CUEDC1: variants seen among roughly 807,000 people sequenced by gnomAD.
The protein encoded by CUEDC1 is CUE domain-containing protein 1.
In CUEDC1, 30 loss-of-function variants were observed where a neutral mutation model predicts 43.7. That is an observed-to-expected ratio of 0.69 (90% CI 0.51 to 0.93). The LOEUF (loss-of-function observed/expected upper bound fraction) is 0.93, where lower values mean the gene tolerates loss of function less well. Among genes scored for constraint, CUEDC1 ranks in the 40% least tolerant of loss-of-function variants. The pLI, the probability that CUEDC1 is intolerant of heterozygous loss-of-function variation, is 0.00. For synonymous variants in CUEDC1, 223 were observed against 223.6 expected, an observed-to-expected ratio of 1.00 and a Z score of 0.02; for missense variants, 486 against 549.0, an observed-to-expected ratio of 0.89 and a Z score of 1.15.
Position 57,918,674 on chromosome 17 carries a change from A to T in CUEDC1, c.-315-32795T>A, listed in dbSNP as rs373669672. Among the ~76,000 whole-genome samples the T allele has an allele frequency of 3.3e-5, 5 of 152,338 alleles. No individual in the cohort carries two copies. In the East Asian group the frequency reaches 7.7e-4, roughly 23 times the overall value. ...TATGATTTGGCTGGCTGGTCTAACC[A>T]CAAGATCCAGCCTGGCCAATTAGGA... is the stretch of plus-strand genomic sequence containing the variant. On this transcript the variant is annotated intron_variant, in intron 1 of 10. Transcript: ENST00000577830.
At chr17:57,934,228 C>T (rs552980663) in intron 1 of CUEDC1, among the ~76,000 whole-genome samples, 1 of 152,098 alleles carries the variant, frequency 6.6e-6, no homozygotes, top group Non-Finnish European at 1.5e-5. Context: ...CCCGTCTCTA[C>T]TAAAAATACA....
At chr17:57,931,659 TCTC>T (rs1268113502) in intron 1 of CUEDC1, among the ~76,000 whole-genome samples, 2 of 151,992 alleles carry the variant, frequency 1.3e-5, no homozygotes, top group Non-Finnish European at 2.9e-5. Context: ...GGCTGACAGA[TCTC>T]CTTCTCTTTA....
At chr17:57,881,819 G>C (rs2074209085) in intron 2 of CUEDC1, among the ~76,000 whole-genome samples, 1 of 152,200 alleles carries the variant, frequency 6.6e-6, no homozygotes, top group Admixed American at 6.5e-5. Flanking sequence ...TCCCAGGGCA[G>C]CAAGACCAGA....
At chr17:57,872,888 C>CCCTTGTGTGT in intron 4 of CUEDC1, 33 bp from the exon 5 acceptor site, 1 of 1,591,574 alleles carries the variant, frequency 6.3e-7, no homozygotes, top group Non-Finnish European at 8.6e-7. Context: ...TGAATGTGTA[C>CCCTTGTGTGT]ACACAAGGGT....
intron 1 of CUEDC1, among the ~76,000 whole-genome samples, chr17:57,950,649 T>G (rs1427656901): frequency 6.6e-6 from 1 of 152,034 alleles, no homozygotes; most frequent in African/African-American, 2.4e-5. Context: ...ATTTTTGTAT[T>G]TTTAGTAGAG....
chr17:57,921,051 T>A (rs527596302), intron 1 of CUEDC1, among the ~76,000 whole-genome samples: 125 of 152,364 alleles, frequency 8.2e-4, no homozygotes, highest in African/African-American at 3.0e-3. Context: ...ATGAGCTCCG[T>A]CTATCCAAGG....
intron 1 of CUEDC1, among the ~76,000 whole-genome samples, chr17:57,952,516 C>A (rs939285714): frequency 6.6e-6 from 1 of 152,106 alleles, no homozygotes; most frequent in Admixed American, 6.6e-5. Flanking sequence ...CATGAGCCAC[C>A]GCATCCGGCC....
chr17:57,874,630 G>A (rs142464014), intron 3 of CUEDC1, among the ~76,000 whole-genome samples: 1 of 152,330 alleles, frequency 6.6e-6, no homozygotes, highest in East Asian at 1.9e-4. Context: ...ATGGCAGCCT[G>A]CAGCGTGGCA....
At chr17:57,884,283 T>C (rs982330211) in intron 2 of CUEDC1, among the ~76,000 whole-genome samples, 1 of 144,410 alleles carries the variant, frequency 6.9e-6, no homozygotes, top group Non-Finnish European at 1.5e-5. Flanking sequence ...CTGCAACCTC[T>C]GCCTCCCGGG....
chr17:57,874,187 A>G (rs956006868), intron 3 of CUEDC1, among the ~76,000 whole-genome samples: 1 of 152,208 alleles, frequency 6.6e-6, no homozygotes, highest in African/African-American at 2.4e-5. Context: ...AGGAAGGGGC[A>G]TATGGGGACG....
At chr17:57,879,586 G>T in intron 3 of CUEDC1, 25 bp downstream of exon 3, 1 of 1,573,264 alleles carries the variant, frequency 6.4e-7, no homozygotes, top group South Asian at 1.2e-5. Flanking sequence ...GCCACCCTGT[G>T]CTCTGAGACA....
intron 1 of CUEDC1, among the ~76,000 whole-genome samples, chr17:57,929,218 C>T (rs142683150): frequency 6.6e-6 from 1 of 152,188 alleles, no homozygotes; most frequent in African/African-American, 2.4e-5. Context: ...TAAGCTTTAC[C>T]CAAACTTATC....
chr17:57,866,772 C>T (rs1201166544), intron 9 of CUEDC1: 13 of 540,170 alleles, frequency 2.4e-5, no homozygotes, highest in African/African-American at 1.1e-4. Flanking sequence ...ACAAGTTCTC[C>T]CCTCGTCTTT....
chr17:57,873,071 T>G (rs2074058409), intron 4 of CUEDC1, among the ~76,000 whole-genome samples: 1 of 152,130 alleles, frequency 6.6e-6, no homozygotes, highest in African/African-American at 2.4e-5. Flanking sequence ...AAAACTATTT[T>G]TCCCCCACGC....
intron 9 of CUEDC1, chr17:57,867,054 G>A (rs779546883): frequency 3.4e-5 from 17 of 493,128 alleles, no homozygotes; most frequent in Non-Finnish European, 6.3e-5. Context: ...TCCCCCATGG[G>A]GGCAGGCCTG....
At chr17:57,872,268 T>A (rs2074044624) in intron 5 of CUEDC1, among the ~76,000 whole-genome samples, 1 of 152,224 alleles carries the variant, frequency 6.6e-6, no homozygotes, top group African/African-American at 2.4e-5. Context: ...GCCCTGGCCT[T>A]CATGAACCCA....
At chr17:57,893,986 C>T (rs752511640) in intron 1 of CUEDC1, among the ~76,000 whole-genome samples, 5 of 152,072 alleles carry the variant, frequency 3.3e-5, no homozygotes, top group Non-Finnish European at 5.9e-5. Context: ...TCCAGCTACT[C>T]GGGAGGCTGA....
intron 1 of CUEDC1, among the ~76,000 whole-genome samples, chr17:57,934,559 T>TCTAAA (rs1567722978): frequency 1.5e-5 from 1 of 65,336 alleles, no homozygotes; most frequent in Non-Finnish European, 3.1e-5. Context: ...CCTGTCTCTC[T>TCTAAA]AAAAAAAAAA....
At position 57,863,211 on chromosome 17, in the gene CUEDC1, A is replaced by C. The variant is rs1175831823; in HGVS notation, c.*78T>G. On this transcript the variant is annotated 3_prime_UTR_variant, in exon 11 of 11. Transcript: ENST00000577830. The stretch of plus-strand genomic sequence containing the variant: ...CTGTCTGGCTGCAGCTGGGCCCTTC[A>C]GCTGGGGGCCAGTGTTGCTTTCCAG... 6.6e-6 allele frequency: 1 copy of C among 152,624 alleles called. No individual in the cohort carries two copies. The highest frequency in any genetic ancestry group is 1.5e-5 in the Non-Finnish European group (1 of 68,064). The allele number at this position is 152,624 out of a possible 1,614,324, so 9.5% of individuals were successfully genotyped here. A position where few individuals can be genotyped will look rare whatever the true frequency, so the allele number is the denominator to read the frequency against.
Sources: allele counts gnomAD v4.1 joint callset (sites outside exome capture counted in the v4.1 genomes callset), GRCh38; gene constraint gnomAD v4.1.1; transcripts MANE v1.5; gene names NCBI Gene and HGNC (gene_info 2026-07-23, HGNC 2026-07-21).